The following MOG variants were observed in gnomAD, a reference collection of about 807,000 sequenced individuals.
MOG encodes the protein myelin oligodendrocyte glycoprotein, also known as myelin-oligodendrocyte glycoprotein.
MOG carries 20 observed loss-of-function variants against 35.9 expected under a neutral mutation model. The ratio of observed to expected loss-of-function variants is 0.56; its 90% CI spans 0.39 to 0.81. The LOEUF is 0.81. Among genes scored for constraint, MOG ranks in the 30% least tolerant of loss-of-function variants. MOG has a pLI of 0.00. For missense variants in MOG, 251 were observed against 301.0 expected (o/e 0.83, Z 1.23); for synonymous variants, 92 against 114.3 (o/e 0.80, Z 1.25).
chr6:29,668,434 C>T (rs934055802), intron 5 of MOG, among the ~76,000 whole-genome samples: 1 of 152,200 alleles, frequency 6.6e-6, no homozygotes, highest in Non-Finnish European at 1.5e-5. Flanking sequence ...TGGTTTCTAG[C>T]CTTTTTGTTC....
intron 2 of MOG, chr6:29,660,044 A>C: frequency 6.9e-6 from 2 of 290,150 alleles, no homozygotes; most frequent in South Asian, 3.7e-5. Context: ...CAAAAACAAA[A>C]CCCTAGGGCA....
intron 2 of MOG, among the ~76,000 whole-genome samples, chr6:29,661,006 G>C (rs1019563133): frequency 6.6e-6 from 1 of 152,174 alleles, no homozygotes; most frequent in Non-Finnish European, 1.5e-5. Context: ...ATGGTGCCCG[G>C]CCTCAGAATT....
chr6:29,671,737 A>G lies in MOG; in HGVS notation c.*552A>G. 3.7e-6 allele frequency: 2 copies of G among 534,358 alleles called. No individual in the cohort carries two copies. Among genetic ancestry groups the G allele is most frequent in the Non-Finnish European group, 6.7e-6 (2 of 300,344 alleles). 33.1% of individuals were successfully genotyped at this position (534,358 alleles called of 1,614,324 possible). On this transcript the variant is annotated 3_prime_UTR_variant, in exon 8 of 8. Transcript: ENST00000376917. ...AACCCAAACCTGGAGATGGGGAGAA[A>G]CCTACAGAATACTAGCCAGAGCTCC...
rs1156997084 is a variant in MOG at position 29,670,304 on chromosome 6, T to G, written c.616T>G (p.Cys206Gly). The change falls in exon 6 of 8, where the codon TGC (cysteine) becomes GGC (glycine). Residue 206 changes from cysteine (C) to glycine (G), a missense_variant. By Grantham distance (159) the Cys-to-Gly change is radical (BLOSUM62 -3). Coordinates refer to ENST00000376917, the MANE Select transcript of MOG (RefSeq NM_206809.4). The surrounding 1 kb of genome is among the most constrained non-coding windows in gnomAD (Gnocchi z 4.2). Reference protein sequence around the residue: ...TFDPHFLRVPCWKITLFVIVP... With the variant: ...TFDPHFLRVPGWKITLFVIVP... ...AGATCCCCACTTTCTGAGGGTGCCC[T>G]GCTGGAAGATAACCCTGTTTGTAAT... 6.2e-7 allele frequency: 1 copy of G among 1,614,094 alleles called. No homozygotes were observed. The highest frequency in any genetic ancestry group is 2.2e-5 in the East Asian group (1 of 44,894).
At chr6:29,665,798 T>G (rs1381054555) in intron 2 of MOG, among the ~76,000 whole-genome samples, 2 of 136,842 alleles carry the variant, frequency 1.5e-5, no homozygotes, top group African/African-American at 6.3e-5. Flanking sequence ...TTAATTATGC[T>G]TGTAGGCGAT....
intron 4 of MOG, 88 bp from the exon 5 acceptor site, chr6:29,667,816 G>A (rs760426193): frequency 6.4e-7 from 1 of 1,571,284 alleles, no homozygotes; most frequent in Non-Finnish European, 8.8e-7. Context: ...CCTAGAACAA[G>A]TTTTAAGTAA....
At chr6:29,663,196 C>T (rs1231053379) in intron 2 of MOG, among the ~76,000 whole-genome samples, 12 of 138,954 alleles carry the variant, frequency 8.6e-5, no homozygotes, top group Admixed American at 2.3e-4. Context: ...GGAGTGAACC[C>T]GGGAGGCGGA....
intron 5 of MOG, among the ~76,000 whole-genome samples, chr6:29,669,856 C>T (rs1771070975): frequency 6.6e-6 from 1 of 151,976 alleles, no homozygotes; most frequent in African/African-American, 2.4e-5. Flanking sequence ...CTGCAACCTC[C>T]GCCTCCCAGG....
At chr6:29,658,804 CGTT>C (rs1767771609) in intron 1 of MOG, among the ~76,000 whole-genome samples, 1 of 152,002 alleles carries the variant, frequency 6.6e-6, no homozygotes, top group Non-Finnish European at 1.5e-5. Context: ...TCTTTTTTGT[CGTT>C]GTTGTTCTCA....
In MOG at chr6:29,670,765, G is replaced by A; in HGVS notation, c.730+44G>A. ...GTTATAAGCAGAGAATAAAAAGCCA[G>A]GAAAGGGAGACAGAAGCAACAAGAG... On this transcript the variant is annotated intron_variant, in intron 7 of 7. Coordinates refer to ENST00000376917, the MANE Select transcript of MOG (RefSeq NM_206809.4). This position sits in a 1 kb window ranked among gnomAD's most constrained non-coding sequence, Gnocchi z 4.2. 6.2e-7 allele frequency: 1 copy of A among 1,608,736 alleles called. No individual in the cohort carries two copies. Among genetic ancestry groups the A allele is most frequent in the Non-Finnish European group, 8.5e-7 (1 of 1,177,764 alleles).
At chr6:29,659,886 A>G in intron 2 of MOG, 1 of 611,826 alleles carries the variant, frequency 1.6e-6, no homozygotes, top group Non-Finnish European at 2.9e-6. Flanking sequence ...GCCTTTGAGT[A>G]GGTAAGTGAC....
intron 2 of MOG, chr6:29,661,409 C>A: frequency 1.0e-6 from 1 of 985,330 alleles, no homozygotes; most frequent in Non-Finnish European, 1.2e-6. Context: ...ATTCTACTTG[C>A]CGAAAAGTTT....
intron 3 of MOG, among the ~76,000 whole-genome samples, chr6:29,667,222 T>C (rs1316101609): frequency 6.6e-6 from 1 of 152,200 alleles, no homozygotes; most frequent in Non-Finnish European, 1.5e-5. Flanking sequence ...ATTAAAGTCA[T>C]GCAAAGTGCC....
chr6:29,657,508 G>A (rs932423389), intron 1 of MOG, among the ~76,000 whole-genome samples: 1 of 150,894 alleles, frequency 6.6e-6, no homozygotes, highest in African/African-American at 2.4e-5. Flanking sequence ...TTTTGAGACA[G>A]AGTCTCCCTC....
intron 5 of MOG, 112 bp downstream of exon 5, chr6:29,668,036 C>A (rs1770610974): frequency 1.0e-6 from 1 of 959,004 alleles, no homozygotes; most frequent in Non-Finnish European, 1.7e-6. Context: ...TTCCTCTCTT[C>A]TCTTTTCTTT....
At chr6:29,661,213 T>G in intron 2 of MOG, 1 of 248,062 alleles carries the variant, frequency 4.0e-6, no homozygotes, top group Non-Finnish European at 6.4e-6. Context: ...CCACCTGCAG[T>G]GCAAACATCA....
intron 2 of MOG, among the ~76,000 whole-genome samples, chr6:29,660,199 C>T (rs1768206102): frequency 7.4e-6 from 1 of 135,410 alleles, no homozygotes; most frequent in African/African-American, 2.7e-5. Context: ...ACTCCCTACC[C>T]GTCTCTAAAA....
At position 29,658,667 on chromosome 6, in the gene MOG, G is replaced by A. The variant is rs542544915; in HGVS notation, c.89-652G>A. Among the ~76,000 whole-genome samples the A allele has an allele frequency of 2.2e-4, 33 of 152,306 alleles. No homozygotes were observed. The South Asian group carries it at 6.6e-3, about 31-fold the overall frequency. ...CAAGATGCTGTGCCACATTCCAAGAGGGAACCTAAAGGCTGGGCTGAAGAG... is the reference window on the plus strand; with the variant it reads ...CAAGATGCTGTGCCACATTCCAAGAAGGAACCTAAAGGCTGGGCTGAAGAG... On this transcript the variant is annotated intron_variant, in intron 1 of 7. Transcript: ENST00000376917.
At chr6:29,657,964 A>G (rs892105788) in intron 1 of MOG, among the ~76,000 whole-genome samples, 3 of 152,152 alleles carry the variant, frequency 2.0e-5, no homozygotes, top group Non-Finnish European at 4.4e-5. Flanking sequence ...TAATGTGACT[A>G]ACTCAAGGCT....
Sources: gnomAD v4.1 joint callset for allele counts (sites outside exome capture counted in the v4.1 genomes callset) on GRCh38, gnomAD v4.1.1 for gene constraint, Gnocchi (gnomAD v3.1) non-coding constraint, MANE v1.5 for transcripts, NCBI Gene and HGNC (gene_info 2026-07-23, HGNC 2026-07-21) for gene names.